SVEP1: variants seen among roughly 807,000 people sequenced by gnomAD.
SVEP1 encodes the protein sushi, von Willebrand factor type A, EGF and pentraxin domain containing 1, also known as sushi, von Willebrand factor type A, EGF and pentraxin domain-containing protein 1.
A neutral mutation model predicts 367.3 loss-of-function variants in SVEP1; 164 were observed. The observed-to-expected ratio is 0.45, with a 90% confidence interval of 0.39 to 0.51. The LOEUF is 0.51. SVEP1 is among the 20% of genes least tolerant of loss of function. SVEP1 has a pLI of 0.00. For synonymous variants in SVEP1, 1,666 were observed against 1,611.6 expected, an observed-to-expected ratio of 1.03 and a Z score of -0.81; for missense variants, 4,117 against 4,425.3, an observed-to-expected ratio of 0.93 and a Z score of 1.98.
chr9:110,574,247 T>G (rs1386841408), intron 1 of SVEP1, among the ~76,000 whole-genome samples: 1 of 152,270 alleles, frequency 6.6e-6, no homozygotes, highest in Non-Finnish European at 1.5e-5. Flanking sequence ...AGTGTGCCTA[T>G]GCACCATACA....
chr9:110,367,709 A>G (rs1827220424), intron 47 of SVEP1, among the ~76,000 whole-genome samples: 1 of 152,114 alleles, frequency 6.6e-6, no homozygotes, highest in Non-Finnish European at 1.5e-5. Context: ...TGGACCAATC[A>G]GAGTCCTGGA....
Position 110,408,914 on chromosome 9 carries a change from T to C in SVEP1, c.6686A>G (p.Tyr2229Cys), listed in dbSNP as rs1828001056. ...TGACTTATAGCCCGGGTTACACTGA[T>C]ACCTCACTTCACTCTCAAAGATCCT... ...TGRIFESEVR[Y>C]QCNPGYKSVG... Residue 2229 changes from tyrosine to cysteine, a missense_variant, in exon 38 of 48, where the codon TAT becomes TGT. Physicochemically the swap from Tyr to Cys is radical, Grantham distance 194. Around this residue, in one of 4 missense-constraint regions of SVEP1, gnomAD observed 1,765 missense variants for 1,781.1 expected, o/e 0.99. Transcript: ENST00000374469. The C allele has an allele frequency of 1.9e-6, 3 of 1,603,596 alleles. No individual in the cohort carries two copies. Among genetic ancestry groups the C allele is most frequent in the Non-Finnish European group, 1.7e-6 (2 of 1,174,822 alleles).
At chr9:110,492,937 T>C (rs1255163827) in intron 8 of SVEP1, among the ~76,000 whole-genome samples, 1 of 152,096 alleles carries the variant, frequency 6.6e-6, no homozygotes, top group Non-Finnish European at 1.5e-5. Context: ...GCATCTCTCC[T>C]GGTGAATTTT....
At chr9:110,574,740 C>CTTTTTTTTTTTTTTTTTTTTT in intron 1 of SVEP1, among the ~76,000 whole-genome samples, 1 of 106,332 alleles carries the variant, frequency 9.4e-6, no homozygotes. Context: ...TCCAGTCGAC[C>CTTTTTTTTTTTTTTTTTTTTT]TTCTTTTTTT....
Position 110,404,433 on chromosome 9 carries a change from A to G in SVEP1, c.9560T>C (p.Ile3187Thr). Residue 3187 changes from isoleucine (I) to threonine (T), a missense_variant, in exon 39 of 48, where the codon ATA becomes ACA. Around this residue, in one of 4 missense-constraint regions of SVEP1, gnomAD observed 1,765 missense variants for 1,781.1 expected, o/e 0.99. Transcript: ENST00000374469. Reference sequence around the variant, plus strand: ...GTCCCCATGTACAAGTATATGTGTTATGTTTTCCGGGAGAGGACATTTTTT... The same window carrying G: ...GTCCCCATGTACAAGTATATGTGTTGTGTTTTCCGGGAGAGGACATTTTTT... ...SPKKCPLPEN[I>T]THILVHGDDF... The G allele has an allele frequency of 6.2e-7, 1 of 1,613,996 alleles. No individual in the cohort carries two copies. Among genetic ancestry groups the G allele is most frequent in the Non-Finnish European group, 8.5e-7 (1 of 1,179,882 alleles).
intron 26 of SVEP1, 93 bp downstream of exon 26, chr9:110,445,744 C>T (rs921783858): frequency 7.2e-7 from 1 of 1,390,064 alleles, no homozygotes; most frequent in African/African-American, 1.4e-5. Flanking sequence ...GAACACCTGA[C>T]CCTCTACTTT....
In SVEP1 at chr9:110,502,037, C is replaced by G. The variant is rs990751762; in HGVS notation, c.1483+1001G>C. On this transcript the variant is annotated intron_variant, in intron 6 of 47. Transcript: ENST00000374469. ...GGTTGACAATTAAATAATAATACCT[C>G]AAGAATATGAATTGGCTGGCTTTCC... Among the ~76,000 whole-genome samples the G allele has an allele frequency of 3.6e-4, 54 of 151,352 alleles. 1 individual carries two copies. The highest frequency in any genetic ancestry group is 8.8e-5 in the Non-Finnish European group (6 of 67,944).
At chr9:110,508,283 A>C (rs1227924726) in intron 5 of SVEP1, among the ~76,000 whole-genome samples, 1 of 149,394 alleles carries the variant, frequency 6.7e-6, no homozygotes, top group Admixed American at 6.6e-5. Context: ...CATCTTAAAG[A>C]CTAATCAGAT....
Position 110,469,051 on chromosome 9 carries a change from T to C in SVEP1, c.3049A>G (p.Ser1017Gly). Residue 1017 changes from serine (S) to glycine (G), a missense_variant, in exon 17 of 48, where the codon AGC becomes GGC. This residue lies in a region of SVEP1 where 2,174 missense variants were observed against 2,494.3 expected (regional missense o/e 0.87). Transcript: ENST00000374469. Reference protein sequence around the residue: ...YYNLEHFTCESCRIGSYQDEE... With the variant: ...YYNLEHFTCEGCRIGSYQDEE... ...TCTTGATAGGATCCGATCCGGCAGC[T>C]TTCACAGGTGAAATGTTCCAGATTA... The C allele has an allele frequency of 6.2e-7, 1 of 1,613,834 alleles. No individual in the cohort carries two copies. The highest frequency in any genetic ancestry group is 8.5e-7 in the Non-Finnish European group (1 of 1,179,824).
chr9:110,579,583 CG>C lies in SVEP1; in HGVS notation c.-41del, dbSNP rs1564182285. 1 of 1,522,190 alleles carries C rather than the reference CG, an allele frequency of 6.6e-7. No individual in the cohort carries two copies. The highest frequency in any genetic ancestry group is 1.3e-5 in the South Asian group (1 of 79,994). The allele number at this position is 1,522,190 out of a possible 1,614,324, so 94.3% of individuals were successfully genotyped here. ...AGCGGCTGCCCCGGAGCGCAGGCGGCGGCTCGGGCGGGAAGAGGCGCTGGGC... is the reference window on the plus strand; with the variant it reads ...AGCGGCTGCCCCGGAGCGCAGGCGGCGCTCGGGCGGGAAGAGGCGCTGGGC... On this transcript the variant is annotated 5_prime_UTR_variant, in exon 1 of 48. Transcript: ENST00000374469. The surrounding 1 kb of genome is among the most constrained non-coding windows in gnomAD (Gnocchi z 5.3).
intron 36 of SVEP1, among the ~76,000 whole-genome samples, chr9:110,426,791 C>T (rs537115682): frequency 1.3e-5 from 2 of 152,224 alleles, no homozygotes; most frequent in African/African-American, 4.8e-5. Context: ...TTGCTAAGAT[C>T]AAATGAGACA....
rs753899832 is a variant in SVEP1 at position 110,429,139 on chromosome 9, T to C, written c.5807+4A>G. 7 of 1,565,654 alleles carry C rather than the reference T, an allele frequency of 4.5e-6. No homozygotes were observed. The highest frequency in any genetic ancestry group is 5.2e-6 in the Non-Finnish European group (6 of 1,158,254). ...AAAGCTTGGTTGGTGTCTACAAATG[T>C]TACCTGTATCCTGTATCGCATGAAT... On this transcript the variant is annotated splice_donor_region_variant and intron_variant, in intron 35 of 47. Transcript: ENST00000374469.
intron 36 of SVEP1, among the ~76,000 whole-genome samples, chr9:110,416,648 G>A (rs1217139782): frequency 6.6e-6 from 1 of 152,010 alleles, no homozygotes; most frequent in African/African-American, 2.4e-5. Flanking sequence ...TAAATTCTCA[G>A]ATGTAAGAAG....
At position 110,442,079 on chromosome 9, in the gene SVEP1, G is replaced by A. The variant is rs143137292; in HGVS notation, c.4639+1466C>T. On this transcript the variant is annotated intron_variant, in intron 27 of 47. Coordinates refer to ENST00000374469, the MANE Select transcript of SVEP1 (RefSeq NM_153366.4). ...AGGCTCCTTCACTAAATTAGTGCCTGATCACCCTGGAGAGTTAGGGACATA... is the reference window on the plus strand; with the variant it reads ...AGGCTCCTTCACTAAATTAGTGCCTAATCACCCTGGAGAGTTAGGGACATA... 4.6e-5 allele frequency among the ~76,000 whole-genome samples: 7 copies of A among 152,312 alleles called. No homozygotes were observed. In the East Asian group the frequency reaches 1.4e-3, roughly 29 times the overall value.
At chr9:110,440,102 A>T (rs1299518062) in intron 27 of SVEP1, among the ~76,000 whole-genome samples, 1 of 152,132 alleles carries the variant, frequency 6.6e-6, no homozygotes, top group Non-Finnish European at 1.5e-5. Context: ...CCACTGCCCC[A>T]CCTCACTTGA....
intron 40 of SVEP1, among the ~76,000 whole-genome samples, chr9:110,395,934 G>C (rs1827751260): frequency 6.6e-6 from 1 of 150,940 alleles, no homozygotes; most frequent in African/African-American, 2.4e-5. Context: ...GTCAACATTA[G>C]ACAGATCAAC....
intron 9 of SVEP1, among the ~76,000 whole-genome samples, chr9:110,488,945 G>C (rs184075849): frequency 6.6e-6 from 1 of 152,262 alleles, no homozygotes; most frequent in Non-Finnish European, 1.5e-5. Flanking sequence ...AAAGTATGCA[G>C]AGTAACACCA....
chr9:110,375,458 A>G lies in SVEP1; in HGVS notation c.10510T>C (p.Cys3504Arg), dbSNP rs1331394008. 18 of 757,200 alleles carry G rather than the reference A, an allele frequency of 2.4e-5. No homozygotes were observed. Among genetic ancestry groups the G allele is most frequent in the Non-Finnish European group, 6.1e-6 (3 of 488,990 alleles). The allele number at this position is 757,200 out of a possible 1,614,324, so 46.9% of individuals were successfully genotyped here. Reference sequence around the variant, plus strand: ...CCTCCGTTCAGACAGGGAAGAATGCAGATTGCTAAAAAAAAAAAAAAAAAA... The same window carrying G: ...CCTCCGTTCAGACAGGGAAGAATGCGGATTGCTAAAAAAAAAAAAAAAAAA... ...WMGRLCEEPI[C>R]ILPCLNGGRC... The change falls in exon 46 of 48, where the codon TGC becomes CGC. Residue 3504 changes from cysteine to arginine, a missense_variant. Cys to Arg is a radical substitution (Grantham distance 180, BLOSUM62 -3). Transcript: ENST00000374469.
intron 9 of SVEP1, among the ~76,000 whole-genome samples, chr9:110,486,964 C>G (rs145170891): frequency 1.4e-5 from 2 of 142,834 alleles, no homozygotes; most frequent in East Asian, 4.6e-4. Context: ...CTCTCTCTGT[C>G]TCTCTCTTTG....
Sources: allele counts gnomAD v4.1 joint callset (sites outside exome capture counted in the v4.1 genomes callset), GRCh38; gene constraint gnomAD v4.1.1; regional missense constraint gnomAD v4.1.1; non-coding constraint Gnocchi (gnomAD v3.1); transcripts MANE v1.5; gene names NCBI Gene and HGNC (gene_info 2026-07-23, HGNC 2026-07-21).